HYDIN: variants seen among roughly 807,000 people sequenced by gnomAD.
The protein encoded by HYDIN is axonemal central pair apparatus protein HYDIN.
Under a neutral mutation model 403.9 loss-of-function variants are expected in HYDIN, and 132 were observed. The ratio of observed to expected loss-of-function variants is 0.33; its 90% CI spans 0.28 to 0.38. HYDIN has a LOEUF of 0.38. Among genes scored for constraint, HYDIN ranks in the 10% least tolerant of loss-of-function variants. The pLI is 1.00. For synonymous variants in HYDIN, 1,202 were observed against 1,891.7 expected (o/e 0.64, Z 9.46); for missense variants, 2,827 against 5,009.5 (o/e 0.56, Z 13.15).
At chr16:71,002,944 G>A (rs1017852186) in intron 23 of HYDIN, among the ~76,000 whole-genome samples, 2 of 151,984 alleles carry the variant, frequency 1.3e-5, no homozygotes, top group Non-Finnish European at 2.9e-5. Context: ...AAAGTGCTGG[G>A]ATTACAGGTG....
intron 1 of HYDIN, among the ~76,000 whole-genome samples, chr16:71,199,357 T>C (rs987823690): frequency 1.6e-4 from 25 of 152,194 alleles, no homozygotes; most frequent in African/African-American, 4.1e-4. Flanking sequence ...CCCTTTGAAA[T>C]AGAAACCCAA....
intron 12 of HYDIN, among the ~76,000 whole-genome samples, chr16:71,081,937 TCA>T (rs1485467165): frequency 1.8e-5 from 2 of 111,558 alleles, no homozygotes; most frequent in African/African-American, 5.0e-5. Context: ...TTTAAAAAAA[TCA>T]CACTAATTTT....
chr16:71,156,478 G>T (rs1363526725), intron 6 of HYDIN, among the ~76,000 whole-genome samples: 3 of 152,060 alleles, frequency 2.0e-5, no homozygotes, highest in African/African-American at 7.2e-5. Context: ...GAAGTAAAAG[G>T]TGTTGTTCTT....
chr16:70,960,005 T>G (rs1159380033), intron 38 of HYDIN, among the ~76,000 whole-genome samples, 185 bp from the exon 39 acceptor site: 4 of 152,258 alleles, frequency 2.6e-5, no homozygotes, highest in Non-Finnish European at 5.9e-5. Flanking sequence ...AATAATTTGT[T>G]TATAGCTACT....
chr16:71,139,092 GAAGA>G (rs550405086), intron 7 of HYDIN, among the ~76,000 whole-genome samples: 6,131 of 40,396 alleles, frequency 0.15, 512 homozygotes, highest in African/African-American at 0.4. Context: ...CTCAAATAAA[GAAGA>G]AAAAAAAAAA....
intron 45 of HYDIN, among the ~76,000 whole-genome samples, chr16:70,922,371 C>T (rs1597328576): frequency 6.6e-6 from 1 of 152,242 alleles, no homozygotes; most frequent in South Asian, 2.1e-4. Context: ...CAGCTGGAGG[C>T]TAGCAGTAAA....
chr16:70,915,204 C>G (rs982955325), intron 47 of HYDIN, among the ~76,000 whole-genome samples: 4 of 152,056 alleles, frequency 2.6e-5, no homozygotes, highest in Non-Finnish European at 5.9e-5. Flanking sequence ...TGGGGGGCTA[C>G]TAAAGGGCCT....
intron 84 of HYDIN, among the ~76,000 whole-genome samples, chr16:70,811,851 C>T (rs2035528395): frequency 7.1e-6 from 1 of 141,544 alleles, no homozygotes; most frequent in East Asian, 2.1e-4. Context: ...GAGCAAAACT[C>T]CATCTTGGGA....
At position 70,960,875 on chromosome 16, in the gene HYDIN, T is replaced by C. The variant is rs2078395550; in HGVS notation, c.5969-1055A>G. Among the ~76,000 whole-genome samples the C allele has an allele frequency of 3.3e-5, 5 of 152,184 alleles. No individual in the cohort carries two copies. In the South Asian group the frequency reaches 1.0e-3, roughly 32 times the overall value. ...CCCGGCTAATTTTTTGTATTTTTAGTACAGACAGGGTTTCATCGTGTCAGC... is the reference window on the plus strand; with the variant it reads ...CCCGGCTAATTTTTTGTATTTTTAGCACAGACAGGGTTTCATCGTGTCAGC... On this transcript the variant is annotated intron_variant, in intron 38 of 85. Transcript: ENST00000393567.
intron 17 of HYDIN, among the ~76,000 whole-genome samples, chr16:71,061,865 TGTGTGTGTGTGTGTG>T (rs2082093973): frequency 3.7e-5 from 2 of 54,188 alleles, no homozygotes; most frequent in Non-Finnish European, 1.1e-4. Flanking sequence ...TGTGACAGTG[TGTGTGTGTGTGTGTG>T]TGTGTGTGTG....
At chr16:71,012,262 C>T (rs1439440830) in intron 23 of HYDIN, among the ~76,000 whole-genome samples, 1 of 152,300 alleles carries the variant, frequency 6.6e-6, no homozygotes. Context: ...CCTGCAGCGA[C>T]AGCTGTGTGG....
chr16:71,126,816 T>C (rs552038536), intron 9 of HYDIN, among the ~76,000 whole-genome samples: 120 of 152,270 alleles, frequency 7.9e-4, no homozygotes, highest in Non-Finnish European at 1.5e-3. Context: ...CAATCTTCAG[T>C]TCAGATCGCA....
chr16:70,919,342 A>G (rs542950961), intron 46 of HYDIN, among the ~76,000 whole-genome samples: 7 of 152,174 alleles, frequency 4.6e-5, no homozygotes, highest in African/African-American at 1.7e-4. Context: ...CCAGGGAAAA[A>G]ATCACAATTC....
Position 70,943,799 on chromosome 16 carries a change from G to C in HYDIN, c.6669+13C>G. 1 of 1,610,332 alleles carries C rather than the reference G, an allele frequency of 6.2e-7. No homozygotes were observed. The highest frequency in any genetic ancestry group is 1.1e-5 in the South Asian group (1 of 91,056). ...CCAAGCCCTGCAGCTCTGTGCAGGT[G>C]GCATGGACCCACCTGTATCCGCTCT... On this transcript the variant is annotated intron_variant, in intron 42 of 85. Coordinates refer to ENST00000393567, the MANE Select transcript of HYDIN (RefSeq NM_001270974.2).
chr16:70,807,965 C>G lies in HYDIN; in HGVS notation c.14981G>C (p.Ser4994Thr). The G allele has an allele frequency of 6.2e-7, 1 of 1,614,128 alleles. No homozygotes were observed. The highest frequency in any genetic ancestry group is 8.5e-7 in the Non-Finnish European group (1 of 1,180,028). Residue 4994 changes from serine (S) to threonine (T), a missense_variant, in exon 86 of 86, where the codon AGC becomes ACC. By Grantham distance (58) the Ser-to-Thr change is moderately conservative. Coordinates refer to ENST00000393567, the MANE Select transcript of HYDIN (RefSeq NM_001270974.2). ...GATGCCCTTGGTCTCACCCAGGTGG[C>G]TGGGCTCGAATAAGACTTCCACACT... is the stretch of plus-strand genomic sequence containing the variant. ...EASVEVLFEP[S>T]HLGETKGILI... is the part of the protein sequence containing the mutation.
intron 1 of HYDIN, among the ~76,000 whole-genome samples, chr16:71,187,455 G>A (rs931579842): frequency 6.6e-6 from 1 of 152,194 alleles, no homozygotes; most frequent in Admixed American, 6.5e-5. Context: ...CTGAATCAAA[G>A]AAATATGGCA....
At chr16:71,066,041 G>C (rs2082252749) in intron 15 of HYDIN, among the ~76,000 whole-genome samples, 1 of 151,980 alleles carries the variant, frequency 6.6e-6, no homozygotes, top group African/African-American at 2.4e-5. Flanking sequence ...CTGAAATACT[G>C]TGACTGAGAG....
chr16:71,107,409 T>C (rs1174599704), intron 10 of HYDIN, among the ~76,000 whole-genome samples: 2 of 151,368 alleles, frequency 1.3e-5, no homozygotes, highest in Non-Finnish European at 2.9e-5. Flanking sequence ...GAAAAAATAT[T>C]TGCAAACTAT....
rs532433739 is a variant in HYDIN at position 70,852,985 on chromosome 16, C to A, written c.12443+2143G>T. 4.5e-3 allele frequency among the ~76,000 whole-genome samples: 669 copies of A among 147,788 alleles called. 3 individuals carry two copies. Among genetic ancestry groups the A allele is most frequent in the Non-Finnish European group, 6.5e-3 (438 of 67,404 alleles). On this transcript the variant is annotated intron_variant, in intron 73 of 85. Transcript: ENST00000393567. ...GGTCAGGAGCTCGAGACCAGCCTGG[C>A]CAACATGGTGAAACCCCATCTCTAC... is the stretch of plus-strand genomic sequence containing the variant.
Sources: gnomAD v4.1 joint callset for allele counts (sites outside exome capture counted in the v4.1 genomes callset) on GRCh38, gnomAD v4.1.1 for gene constraint, MANE v1.5 for transcripts, NCBI Gene and HGNC (gene_info 2026-07-23, HGNC 2026-07-21) for gene names.